Variants in CLCN5 observed in about 807,000 individuals in gnomAD.
CLCN5 encodes H(+)/Cl(-) exchange transporter 5.
Under a neutral mutation model 54.0 loss-of-function variants are expected in CLCN5, and 17 were observed. That is an observed-to-expected ratio of 0.31 (90% CI 0.22 to 0.47). CLCN5 has a LOEUF of 0.47. Among genes scored for constraint, CLCN5 ranks in the 20% least tolerant of loss-of-function variants. CLCN5 has a pLI of 1.00. For synonymous variants in CLCN5, 222 were observed against 233.0 expected, an observed-to-expected ratio of 0.95 and a Z score of 0.43; for missense variants, 448 against 646.7, an observed-to-expected ratio of 0.69 and a Z score of 3.33.
At chrX:50,043,962 A>C (rs1045624237) in intron 4 of CLCN5, among the ~76,000 whole-genome samples, 2 of 111,784 alleles carry the variant, frequency 1.8e-5, no homozygotes, top group Admixed American at 1.9e-4. Context: ...GCAAATTCAT[A>C]TTAAGTACAT....
At chrX:50,075,179 T>C (rs1417188431) in intron 6 of CLCN5, among the ~76,000 whole-genome samples, 1 of 111,523 alleles carries the variant, frequency 9.0e-6, no homozygotes, top group African/African-American at 3.3e-5. Flanking sequence ...CAGTTTGTGC[T>C]TTGATAGATT....
In CLCN5 at chrX:49,976,522, T is replaced by C. The variant is rs781905846; in HGVS notation, c.16+51208T>C. Among the ~76,000 whole-genome samples the C allele has an allele frequency of 3.6e-5, 4 of 112,293 alleles. No individual in the cohort carries two copies. The East Asian group carries it at 1.1e-3, about 31-fold the overall frequency. On this transcript the variant is annotated intron_variant, in intron 3 of 14. Coordinates refer to ENST00000376091, the MANE Select transcript of CLCN5 (RefSeq NM_001127898.4). Reference sequence around the variant, plus strand: ...CTGAAATGGAAGGAGGTAAGGATGATGTTGTTACAAAGTGATGGGTTTGTG... The same window carrying C: ...CTGAAATGGAAGGAGGTAAGGATGACGTTGTTACAAAGTGATGGGTTTGTG...
In CLCN5 at chrX:50,098,554, C is replaced by G. The variant is rs1281845431; in HGVS notation, c.*6335C>G. On this transcript the variant is annotated 3_prime_UTR_variant, in exon 15 of 15. Coordinates refer to ENST00000376091, the MANE Select transcript of CLCN5 (RefSeq NM_001127898.4). ...GTAGCCAAAGAAAACCTGTCTGACTCGACATTTTAATGCCTGAGAGTTGGT... is the reference window on the plus strand; with the variant it reads ...GTAGCCAAAGAAAACCTGTCTGACTGGACATTTTAATGCCTGAGAGTTGGT... The G allele has an allele frequency of 1.8e-5, 2 of 112,946 alleles. No homozygotes were observed. Among genetic ancestry groups the G allele is most frequent in the Non-Finnish European group, 3.7e-5 (2 of 53,364 alleles). 9.3% of individuals were successfully genotyped at this position (112,946 alleles called of 1,213,427 possible).
chrX:50,052,906 G>T (rs782299623), intron 4 of CLCN5, among the ~76,000 whole-genome samples: 1 of 111,695 alleles, frequency 9.0e-6, no homozygotes. Context: ...ATATAAAAAC[G>T]TGTACACCTT....
intron 11 of CLCN5, chrX:50,088,338 G>A: frequency 4.4e-6 from 1 of 226,305 alleles, no homozygotes; most frequent in Non-Finnish European, 8.1e-6. Flanking sequence ...AGTCATTGTT[G>A]ATAAGAATTC....
chrX:49,953,863 C>T (rs1268907139), intron 3 of CLCN5, among the ~76,000 whole-genome samples: 2 of 111,935 alleles, frequency 1.8e-5, no homozygotes, highest in East Asian at 2.8e-4. Context: ...CTTGCCAATC[C>T]TGTGTATTCT....
In CLCN5 at chrX:50,085,996, C is replaced by G; in HGVS notation, c.950C>G (p.Ala317Gly). 8.3e-7 allele frequency: 1 copy of G among 1,209,173 alleles called. No individual in the cohort carries two copies. The highest frequency in any genetic ancestry group is 1.1e-6 in the Non-Finnish European group (1 of 892,909). The stretch of plus-strand genomic sequence containing the variant: ...GGATTTTAGGTCTTGTCGGCTGCAG[C>G]AGCAGCTGGTGTATCTGTAGCCTTT... ...AKRREVLSAA[A>G]AAGVSVAFGA... Residue 317 changes from alanine to glycine, a missense_variant, in exon 10 of 15, where the codon GCA becomes GGA. By Grantham distance (60) the Ala-to-Gly change is moderately conservative (BLOSUM62 0). This residue lies in a region of CLCN5 where 297 missense variants were observed against 470.4 expected (regional missense o/e 0.63). Transcript: ENST00000376091.
intron 7 of CLCN5, among the ~76,000 whole-genome samples, chrX:50,076,894 T>C (rs996101761): frequency 1.8e-5 from 2 of 111,392 alleles, no homozygotes; most frequent in Admixed American, 1.9e-4. Flanking sequence ...TACCTTTATT[T>C]TACCACTCAG....
At chrX:49,962,619 A>G (rs1927653635) in intron 3 of CLCN5, among the ~76,000 whole-genome samples, 1 of 111,852 alleles carries the variant, frequency 8.9e-6, no homozygotes, top group African/African-American at 3.3e-5. Context: ...AGCACATTCC[A>G]TGAATCCTCT....
chrX:50,039,027 C>T (rs1932109277), intron 3 of CLCN5, among the ~76,000 whole-genome samples: 1 of 111,834 alleles, frequency 8.9e-6, no homozygotes, highest in Non-Finnish European at 1.9e-5. Context: ...GCTTGTAATC[C>T]CAACACTTTG....
intron 3 of CLCN5, among the ~76,000 whole-genome samples, chrX:50,023,273 C>G (rs1326624192): frequency 5.4e-5 from 1 of 18,393 alleles, no homozygotes; most frequent in Non-Finnish European, 7.5e-5. Flanking sequence ...GGTTTAAAGT[C>G]TGTTTTATCA....
At chrX:49,987,873 C>T (rs1263298927) in intron 3 of CLCN5, among the ~76,000 whole-genome samples, 1 of 111,569 alleles carries the variant, frequency 9.0e-6, no homozygotes, top group Non-Finnish European at 1.9e-5. Flanking sequence ...ATGCTCACTA[C>T]AGTGCAAAGG....
At chrX:50,019,220 T>G (rs1930940536) in intron 3 of CLCN5, among the ~76,000 whole-genome samples, 1 of 111,610 alleles carries the variant, frequency 9.0e-6, no homozygotes, top group African/African-American at 3.3e-5. Context: ...TAATCAAATT[T>G]GTGGGCATCA....
At chrX:49,968,738 A>G (rs1928037933) in intron 3 of CLCN5, among the ~76,000 whole-genome samples, 1 of 57,540 alleles carries the variant, frequency 1.7e-5, no homozygotes, top group Non-Finnish European at 2.7e-5. Flanking sequence ...AGGCATTACC[A>G]TTCAGGACAT....
chrX:49,994,823 T>C (rs189269806), intron 3 of CLCN5, among the ~76,000 whole-genome samples: 1 of 111,984 alleles, frequency 8.9e-6, no homozygotes, highest in East Asian at 2.8e-4. Flanking sequence ...GGGTGAATTC[T>C]TCCACCAAGT....
chrX:50,068,498 A>G (rs1343106872), intron 4 of CLCN5, among the ~76,000 whole-genome samples: 1 of 58,519 alleles, frequency 1.7e-5, no homozygotes, highest in Non-Finnish European at 3.0e-5. Context: ...CCCACCCTAC[A>G]GATGATTTGG....
chrX:49,956,502 T>C (rs1335822425), intron 3 of CLCN5, among the ~76,000 whole-genome samples: 1 of 112,309 alleles, frequency 8.9e-6, no homozygotes, highest in Non-Finnish European at 1.9e-5. Context: ...GCTGTTGTTA[T>C]TCCGTTGTCA....
intron 6 of CLCN5, among the ~76,000 whole-genome samples, chrX:50,075,296 G>T (rs1295575197): frequency 4.5e-5 from 5 of 110,700 alleles, no homozygotes; most frequent in African/African-American, 1.6e-4. Context: ...ATCTTCGTCA[G>T]CTCTCCTCTC....
At chrX:50,041,805 C>A (rs781848292) in intron 3 of CLCN5, among the ~76,000 whole-genome samples, 4 of 111,493 alleles carry the variant, frequency 3.6e-5, no homozygotes, top group Non-Finnish European at 7.5e-5. Context: ...TATATTCATG[C>A]AAGAGCATGA....
Sources: gnomAD v4.1 joint callset for allele counts (sites outside exome capture counted in the v4.1 genomes callset) on GRCh38, gnomAD v4.1.1 for gene constraint, gnomAD v4.1.1 regional missense constraint, MANE v1.5 for transcripts, NCBI Gene and HGNC (gene_info 2026-07-23, HGNC 2026-07-21) for gene names.